MAF: variants seen among roughly 807,000 people sequenced by gnomAD.
MAF encodes MAF bZIP transcription factor.
Under a neutral mutation model 22.0 loss-of-function variants are expected in MAF, and 10 were observed. The ratio of observed to expected loss-of-function variants is 0.45; its 90% confidence interval spans 0.28 to 0.77. The LOEUF (loss-of-function observed/expected upper bound fraction) is 0.77, where lower values mean the gene tolerates loss of function less well. MAF is among the 30% of genes least tolerant of loss of function. The pLI, the probability that MAF is intolerant of heterozygous loss-of-function variation, is 0.12. For synonymous variants in MAF, 337 were observed against 255.8 expected, an observed-to-expected ratio of 1.32 and a Z score of -3.03; for missense variants, 544 against 548.4, an observed-to-expected ratio of 0.99 and a Z score of 0.08.
chr16:79,343,145 G>A, the MAF span, among the ~76,000 whole-genome samples: 2 of 152,040 alleles, frequency 1.3e-5, no homozygotes, highest in Non-Finnish European at 2.9e-5. Flanking sequence ...ACGTCCCTTC[G>A]GGTGACATTG....
At chr16:79,279,039 C>T in the MAF span, among the ~76,000 whole-genome samples, 1 of 152,126 alleles carries the variant, frequency 6.6e-6, no homozygotes, top group South Asian at 2.1e-4. Flanking sequence ...GGGGAATATG[C>T]TAAAGATTCT....
chr16:79,250,317 T>G, the MAF span, among the ~76,000 whole-genome samples: 3 of 152,212 alleles, frequency 2.0e-5, no homozygotes, highest in African/African-American at 7.2e-5. Context: ...CTATTGTGAT[T>G]TTCATGCCTA....
At chr16:79,328,741 T>C in the MAF span, among the ~76,000 whole-genome samples, 4 of 152,202 alleles carry the variant, frequency 2.6e-5, no homozygotes, top group Non-Finnish European at 4.4e-5. Context: ...GGAAGTAACA[T>C]TCTCCAACCA....
the MAF span, among the ~76,000 whole-genome samples, chr16:79,263,687 G>C: frequency 2.6e-5 from 4 of 152,132 alleles, no homozygotes; most frequent in East Asian, 7.7e-4. Flanking sequence ...ATGTGGAGTG[G>C]GGGAGGAGGT....
the MAF span, among the ~76,000 whole-genome samples, chr16:79,257,963 T>A: frequency 2.6e-5 from 4 of 152,216 alleles, no homozygotes; most frequent in Non-Finnish European, 5.9e-5. Context: ...CTGCCATGAT[T>A]TCTAAAAACT....
At chr16:79,546,550 A>C in the MAF span, among the ~76,000 whole-genome samples, 1 of 152,330 alleles carries the variant, frequency 6.6e-6, no homozygotes, top group Middle Eastern at 3.4e-3. Flanking sequence ...ATATAAGATT[A>C]TTATGGGGTT....
At chr16:79,485,926 G>A in the MAF span, among the ~76,000 whole-genome samples, 1 of 152,102 alleles carries the variant, frequency 6.6e-6, no homozygotes, top group Non-Finnish European at 1.5e-5. Flanking sequence ...AACCAATAAT[G>A]GGATAGATTT....
chr16:79,206,651 G>C, the MAF span: 1 of 152,164 alleles, frequency 6.6e-6, no homozygotes. Flanking sequence ...GAGGACTTTG[G>C]AGTAGACATC....
chr16:79,243,550 G>A, the MAF span, among the ~76,000 whole-genome samples: 1 of 151,914 alleles, frequency 6.6e-6, no homozygotes, highest in South Asian at 2.1e-4. Flanking sequence ...CCAATAACAA[G>A]TTCTGAAAAT....
chr16:79,516,850 T>A, the MAF span, among the ~76,000 whole-genome samples: 1 of 4,742 alleles, frequency 2.1e-4, no homozygotes, highest in African/African-American at 3.6e-4. Context: ...CCAAGTTCTT[T>A]TCTTAATCTT....
At chr16:79,539,637 G>A in the MAF span, among the ~76,000 whole-genome samples, 1 of 152,188 alleles carries the variant, frequency 6.6e-6, no homozygotes, top group African/African-American at 2.4e-5. Flanking sequence ...TCAATATAGT[G>A]TTATCTATAA....
At chr16:79,592,133 T>A (rs2143740285), downstream of MAF, among the ~76,000 whole-genome samples, 1 of 152,340 alleles carries the variant, frequency 6.6e-6, no homozygotes. Context: ...TCTCACCTCC[T>A]ACAAATGGTG....
chr16:79,286,771 C>T, the MAF span, among the ~76,000 whole-genome samples: 3 of 152,184 alleles, frequency 2.0e-5, no homozygotes, highest in Admixed American at 1.3e-4. Context: ...CTCACATGGC[C>T]GTATCCACAG....
the MAF span, among the ~76,000 whole-genome samples, chr16:79,441,079 T>C: frequency 6.6e-6 from 1 of 152,246 alleles, no homozygotes; most frequent in Non-Finnish European, 1.5e-5. Flanking sequence ...GAATGACATG[T>C]ATTAATAGAA....
chr16:79,539,913 G>A, the MAF span, among the ~76,000 whole-genome samples: 1 of 152,140 alleles, frequency 6.6e-6, no homozygotes, highest in Non-Finnish European at 1.5e-5. Context: ...GAAATTATGA[G>A]TGATTTTTAG....
At chr16:79,524,429 T>G in the MAF span, among the ~76,000 whole-genome samples, 1 of 152,324 alleles carries the variant, frequency 6.6e-6, no homozygotes, top group South Asian at 2.1e-4. Context: ...ATTAGCCTGT[T>G]GCAATTATTC....
the MAF span, among the ~76,000 whole-genome samples, chr16:79,561,461 C>A: frequency 2.2e-5 from 3 of 135,718 alleles, no homozygotes; most frequent in Non-Finnish European, 4.7e-5. Context: ...TGCTATCCCT[C>A]CCCCCTCCCC....
chr16:79,253,650 G>A, the MAF span, among the ~76,000 whole-genome samples: 1 of 151,878 alleles, frequency 6.6e-6, no homozygotes, highest in East Asian at 1.9e-4. Flanking sequence ...CTTCATCTTG[G>A]GCTCCACTGA....
chr16:79,456,515 C>A, the MAF span, among the ~76,000 whole-genome samples: 1 of 152,182 alleles, frequency 6.6e-6, no homozygotes, highest in African/African-American at 2.4e-5. Context: ...ATGCTCACTA[C>A]ATTGGTTTGC....
Sources: allele counts gnomAD v4.1 joint callset (sites outside exome capture counted in the v4.1 genomes callset), GRCh38; gene constraint gnomAD v4.1.1; transcripts MANE v1.5; gene names NCBI Gene and HGNC (gene_info 2026-07-23, HGNC 2026-07-21).